Variants in CDC42BPA observed in about 807,000 individuals in gnomAD.
The protein encoded by CDC42BPA is CDC42 binding protein kinase alpha.
CDC42BPA carries 80 observed loss-of-function variants against 223.5 expected under a neutral mutation model. The ratio of observed to expected loss-of-function variants is 0.36; its 90% CI spans 0.30 to 0.43. CDC42BPA has a LOEUF of 0.43. CDC42BPA is among the 20% of genes least tolerant of loss of function. CDC42BPA has a pLI of 1.00. For synonymous variants in CDC42BPA, 694 were observed against 718.6 expected (o/e 0.97, Z 0.55); for missense variants, 1,743 against 2,099.9 (o/e 0.83, Z 3.32).
intron 1 of CDC42BPA, among the ~76,000 whole-genome samples, chr1:227,316,049 T>A (rs910621803): frequency 1.3e-5 from 2 of 151,622 alleles, no homozygotes; most frequent in Non-Finnish European, 2.9e-5. Context: ...GCATAAGAAC[T>A]TAGCATAAGA....
chr1:227,000,273 A>G (rs1467283504), intron 35 of CDC42BPA, among the ~76,000 whole-genome samples: 1 of 152,056 alleles, frequency 6.6e-6, no homozygotes, highest in Non-Finnish European at 1.5e-5. Flanking sequence ...TTGTTGACAT[A>G]TTTCTTGGGA....
intron 24 of CDC42BPA, among the ~76,000 whole-genome samples, chr1:227,037,238 T>C (rs1670451913): frequency 1.3e-5 from 2 of 152,200 alleles, no homozygotes; most frequent in Non-Finnish European, 2.9e-5. Flanking sequence ...AGTCACACCT[T>C]CCTAGTCAAC....
chr1:227,299,421 TTTAC>T (rs771119381), intron 1 of CDC42BPA, among the ~76,000 whole-genome samples: 1 of 152,120 alleles, frequency 6.6e-6, no homozygotes, highest in Non-Finnish European at 1.5e-5. Context: ...ATCATCTCCT[TTTAC>T]TTCTTTTTTT....
chr1:227,129,029 T>C, intron 11 of CDC42BPA, 80 bp downstream of exon 11: 1 of 952,594 alleles, frequency 1.0e-6, no homozygotes, highest in Non-Finnish European at 1.6e-6. Context: ...AGACAGGTTC[T>C]CAATAGATGT....
intron 1 of CDC42BPA, among the ~76,000 whole-genome samples, chr1:227,290,033 T>A (rs1202804286): frequency 6.6e-6 from 1 of 152,066 alleles, no homozygotes; most frequent in East Asian, 1.9e-4. Flanking sequence ...AGCAAGACTC[T>A]ACCTCTAAAA....
At chr1:227,304,853 A>G (rs1466913891) in intron 1 of CDC42BPA, among the ~76,000 whole-genome samples, 1 of 152,232 alleles carries the variant, frequency 6.6e-6, no homozygotes, top group African/African-American at 2.4e-5. Context: ...TGACTATGGT[A>G]GTGGTCACAT....
intron 1 of CDC42BPA, among the ~76,000 whole-genome samples, chr1:227,303,838 T>C (rs1056640814): frequency 1.3e-5 from 2 of 152,190 alleles, no homozygotes; most frequent in South Asian, 2.1e-4. Flanking sequence ...TATTTTATTA[T>C]AGTGTTAGTG....
At chr1:227,040,337 G>A in intron 23 of CDC42BPA, 101 bp from the exon 24 acceptor site, 1 of 668,844 alleles carries the variant, frequency 1.5e-6, no homozygotes. Flanking sequence ...TTTCTAAATA[G>A]GAATAGAATG....
At chr1:227,134,266 A>C (rs1468227345) in intron 10 of CDC42BPA, among the ~76,000 whole-genome samples, 1 of 152,164 alleles carries the variant, frequency 6.6e-6, no homozygotes, top group Non-Finnish European at 1.5e-5. Flanking sequence ...TTATTCTAGA[A>C]GGCCCTCTAT....
chr1:227,199,060 T>C (rs1010606929), intron 4 of CDC42BPA, among the ~76,000 whole-genome samples: 1 of 152,330 alleles, frequency 6.6e-6, no homozygotes, highest in Non-Finnish European at 1.5e-5. Context: ...TTTAAATGTT[T>C]CTTAAAGTTG....
intron 14 of CDC42BPA, among the ~76,000 whole-genome samples, chr1:227,108,769 A>C (rs933310283): frequency 6.6e-6 from 1 of 152,186 alleles, no homozygotes; most frequent in Middle Eastern, 3.2e-3. Flanking sequence ...ACATATTGCT[A>C]AACGACAGGG....
intron 32 of CDC42BPA, among the ~76,000 whole-genome samples, chr1:227,017,743 AG>A (rs1278251997): frequency 6.6e-6 from 1 of 152,192 alleles, no homozygotes; most frequent in Non-Finnish European, 1.5e-5. Context: ...ACTGTCTGCC[AG>A]GGACTCCCAA....
At chr1:227,035,369 T>C in intron 25 of CDC42BPA, 102 bp downstream of exon 25, 1 of 850,796 alleles carries the variant, frequency 1.2e-6, no homozygotes, top group South Asian at 1.8e-5. Context: ...TTTATTCATT[T>C]AATTTTCCAT....
In CDC42BPA at chr1:227,063,616, T is replaced by A. The variant is rs538670018; in HGVS notation, c.2904+6161A>T. Among the ~76,000 whole-genome samples, 4 of 152,148 alleles carry A rather than the reference T, an allele frequency of 2.6e-5. No individual in the cohort carries two copies. In the South Asian group the frequency reaches 8.3e-4, roughly 32 times the overall value. ...AAAATGCATGTAACTTTCTGAAATA[T>A]GCAATCTTCAGGTAGGGTTGTGGTG... On this transcript the variant is annotated intron_variant, in intron 21 of 36. Transcript: ENST00000366766.
Position 227,138,759 on chromosome 1 carries a change from T to C in CDC42BPA, c.1390+817A>G, listed in dbSNP as rs77415307. Among the ~76,000 whole-genome samples the C allele has an allele frequency of 2.2e-3, 333 of 152,224 alleles. 9 individuals are homozygous for C. The East Asian group carries it at 0.045, about 21-fold the overall frequency. ...AAGCAAGCTGTCTTCAGCTGGATAG[T>C]TGAAGATACAAAGTTGTATTCAAAC... On this transcript the variant is annotated intron_variant, in intron 10 of 36. Coordinates refer to ENST00000366766, the MANE Select transcript of CDC42BPA (RefSeq NM_001394014.1).
intron 16 of CDC42BPA, among the ~76,000 whole-genome samples, chr1:227,088,522 G>A (rs1200747708): frequency 2.0e-5 from 3 of 152,134 alleles, no homozygotes; most frequent in Admixed American, 2.0e-4. Context: ...TACCTGTTTT[G>A]TGGTGATCAC....
Position 227,062,967 on chromosome 1 carries a change from G to A in CDC42BPA, c.2904+6810C>T, listed in dbSNP as rs182283853. Among the ~76,000 whole-genome samples the A allele has an allele frequency of 8.2e-4, 125 of 151,974 alleles. No individual in the cohort carries two copies. In the Middle Eastern group the frequency reaches 0.014, roughly 17 times the overall value. ...CTAAAAACAAGTTAAAATGTCTCCC[G>A]AAACTATCTTTGAAAATGAAGGACA... On this transcript the variant is annotated intron_variant, in intron 21 of 36. Transcript: ENST00000366766.
intron 3 of CDC42BPA, among the ~76,000 whole-genome samples, chr1:227,200,445 C>CAAAAA (rs71180714): frequency 9.2e-6 from 1 of 109,148 alleles, no homozygotes; most frequent in Non-Finnish European, 1.9e-5. Flanking sequence ...AACAAACAAA[C>CAAAAA]AAAAAAAAAA....
At chr1:227,264,536 A>G (rs1381719440) in intron 1 of CDC42BPA, among the ~76,000 whole-genome samples, 2 of 151,264 alleles carry the variant, frequency 1.3e-5, no homozygotes, top group Middle Eastern at 3.4e-3. Context: ...AGAATGAAAC[A>G]TACATTTTAG....
Sources: gnomAD v4.1 joint callset for allele counts (sites outside exome capture counted in the v4.1 genomes callset) on GRCh38, gnomAD v4.1.1 for gene constraint, MANE v1.5 for transcripts, NCBI Gene and HGNC (gene_info 2026-07-23, HGNC 2026-07-21) for gene names.